The following KDELR2 variants were observed in gnomAD, a reference collection of about 807,000 sequenced individuals.
The protein encoded by KDELR2 is KDEL endoplasmic reticulum protein retention receptor 2.
KDELR2 carries 15 observed loss-of-function variants against 23.9 expected under a neutral mutation model. The observed-to-expected ratio is 0.63, with a 90% CI of 0.42 to 0.97. The LOEUF (loss-of-function observed/expected upper bound fraction) is 0.97. KDELR2 is among the 50% of genes least tolerant of loss of function. The probability of loss-of-function intolerance (pLI) is 0.00; values close to 1 mark genes in which losing one functional copy is unlikely to be tolerated. For synonymous variants in KDELR2, 119 were observed against 106.2 expected (o/e 1.12, Z -0.74); for missense variants, 272 against 254.6 (o/e 1.07, Z -0.46).
chr7:6,464,057 C>T (rs1329862795), intron 4 of KDELR2, among the ~76,000 whole-genome samples: 2 of 150,406 alleles, frequency 1.3e-5, no homozygotes, highest in South Asian at 4.2e-4. Flanking sequence ...ATTAGCTGGG[C>T]GTGGTGGTGC....
At position 6,462,007 on chromosome 7, in the gene KDELR2, C is replaced by T. The variant is rs767491570; in HGVS notation, c.*1134G>A. 7.2e-5 allele frequency: 11 copies of T among 152,056 alleles called. No homozygotes were observed. Among genetic ancestry groups the T allele is most frequent in the Admixed American group, 3.3e-4 (5 of 15,230 alleles). The allele number at this position is 152,056 out of a possible 1,614,324, so 9.4% of individuals were successfully genotyped here. ...CACAGGATGTTCAAAAAGCCTAATTCATAAAAAGACAATTTATTCCATGTT... is the reference window on the plus strand; with the variant it reads ...CACAGGATGTTCAAAAAGCCTAATTTATAAAAAGACAATTTATTCCATGTT... On this transcript the variant is annotated 3_prime_UTR_variant, in exon 5 of 5. Coordinates refer to ENST00000258739, the MANE Select transcript of KDELR2 (RefSeq NM_006854.4).
At position 6,484,095 on chromosome 7, in the gene KDELR2, C is replaced by A; in HGVS notation, c.-38G>T. 1 of 1,396,578 alleles carries A rather than the reference C, an allele frequency of 7.2e-7. No individual in the cohort carries two copies. Among genetic ancestry groups the A allele is most frequent in the African/African-American group, 1.5e-5 (1 of 66,646 alleles). The allele number at this position is 1,396,578 out of a possible 1,614,324, so 86.5% of individuals were successfully genotyped here. ...GGTGGCGGTCGGCGCAGCGCGGCGG[C>A]CCCGGGGCTGGGCGGCTCAGGAGGC... On this transcript the variant is annotated 5_prime_UTR_variant, in exon 1 of 5. Transcript: ENST00000258739.
Position 6,483,952 on chromosome 7 carries a change from T to TC in KDELR2, c.91+14dup, listed in dbSNP as rs1348348571. On this transcript the variant is annotated intron_variant, in intron 1 of 4. Transcript: ENST00000258739. ...CCCACGCCCGAGCCTCTCCGGGCCT[T>TC]CCCCCGCCGCTCACCGGCGCAGGAG... 1 of 1,495,010 alleles carries TC rather than the reference T, an allele frequency of 6.7e-7. No homozygotes were observed. Among genetic ancestry groups the TC allele is most frequent in the African/African-American group, 1.4e-5 (1 of 69,014 alleles). 92.6% of individuals were successfully genotyped at this position (1,495,010 alleles called of 1,614,324 possible).
At chr7:6,468,728 T>A (rs1325854224) in intron 3 of KDELR2, among the ~76,000 whole-genome samples, 1 of 151,610 alleles carries the variant, frequency 6.6e-6, no homozygotes, top group Non-Finnish European at 1.5e-5. Flanking sequence ...ATGGTCTCAA[T>A]CCCTTGACTT....
chr7:6,467,604 T>C (rs1171218441), intron 3 of KDELR2, among the ~76,000 whole-genome samples: 1 of 151,924 alleles, frequency 6.6e-6, no homozygotes, highest in Non-Finnish European at 1.5e-5. Context: ...CTACTAAAAA[T>C]ACAAAAATTA....
intron 4 of KDELR2, among the ~76,000 whole-genome samples, chr7:6,465,269 C>T (rs1348647513): frequency 6.0e-5 from 9 of 151,122 alleles, no homozygotes; most frequent in Admixed American, 3.3e-4. Flanking sequence ...CTGCAAGCTC[C>T]GCCTCCCAGG....
Position 6,466,229 on chromosome 7 carries a change from G to A in KDELR2, c.446C>T (p.Thr149Ile). The change falls in exon 4 of 5, where the codon ACC (threonine) becomes ATC (isoleucine). Residue 149 changes from threonine (T) to isoleucine (I), a missense_variant. Physicochemically the swap from Thr to Ile is moderately conservative, Grantham distance 89. Transcript: ENST00000258739. ...GAGGCCCAGGAAGAACAGGTAGTGG[G>A]TGGTGATGGTCTCGGCCTCCCCAGT... ...SKTGEAETIT[T>I]HYLFFLGLYR... 6.2e-7 allele frequency: 1 copy of A among 1,614,210 alleles called. No individual in the cohort carries two copies. Among genetic ancestry groups the A allele is most frequent in the Non-Finnish European group, 8.5e-7 (1 of 1,180,042 alleles).
At chr7:6,465,868 A>G (rs1785493208) in intron 4 of KDELR2, among the ~76,000 whole-genome samples, 2 of 152,164 alleles carry the variant, frequency 1.3e-5, no homozygotes, top group Admixed American at 6.6e-5. Context: ...AAAATGTGTC[A>G]CTTTAGGAAA....
At chr7:6,463,728 G>C (rs977951452) in intron 4 of KDELR2, among the ~76,000 whole-genome samples, 1 of 150,896 alleles carries the variant, frequency 6.6e-6, no homozygotes, top group Non-Finnish European at 1.5e-5. Flanking sequence ...GAGTAACAGA[G>C]TGAGACCCTG....
At chr7:6,470,671 T>C (rs1371491202) in intron 2 of KDELR2, among the ~76,000 whole-genome samples, 1 of 152,214 alleles carries the variant, frequency 6.6e-6, no homozygotes, top group Non-Finnish European at 1.5e-5. Context: ...GTTTTTGAAC[T>C]TTATGGTAGT....
chr7:6,482,484 C>A, intron 1 of KDELR2: 2 of 431,654 alleles, frequency 4.6e-6, no homozygotes, highest in Non-Finnish European at 9.7e-6. Flanking sequence ...CCAAGTCAAA[C>A]ACACTGGCAC....
chr7:6,461,294 T>A lies in KDELR2; in HGVS notation c.*1847A>T, dbSNP rs986263172. The A allele has an allele frequency of 6.6e-6, 1 of 152,112 alleles. No individual in the cohort carries two copies. The highest frequency in any genetic ancestry group is 6.6e-5 in the Admixed American group (1 of 15,242). The allele number at this position is 152,112 out of a possible 1,614,324, so 9.4% of individuals were successfully genotyped here. A position where few individuals can be genotyped will look rare whatever the true frequency, so the allele number is the denominator to read the frequency against. ...CAAGGTTACTTTTACTTGGGTAGGA[T>A]GACTGCAGAAGGAATGGCTACACAG... On this transcript the variant is annotated 3_prime_UTR_variant, in exon 5 of 5. Transcript: ENST00000258739.
At position 6,462,594 on chromosome 7, in the gene KDELR2, C is replaced by T. The variant is rs895217037; in HGVS notation, c.*547G>A. ...TTAAATGTAGTGTTGTGACATCCAA[C>T]GAAGGACTTCCACGTCACGTGGGAA... On this transcript the variant is annotated 3_prime_UTR_variant, in exon 5 of 5. Coordinates refer to ENST00000258739, the MANE Select transcript of KDELR2 (RefSeq NM_006854.4). 9 of 170,286 alleles carry T rather than the reference C, an allele frequency of 5.3e-5. No individual in the cohort carries two copies. In the South Asian group the frequency reaches 1.0e-3, roughly 19 times the overall value. 10.5% of individuals were successfully genotyped at this position (170,286 alleles called of 1,614,324 possible). A position where few individuals can be genotyped will look rare whatever the true frequency, so the allele number is the denominator to read the frequency against.
chr7:6,477,291 G>A (rs1785774017), intron 1 of KDELR2, among the ~76,000 whole-genome samples: 1 of 152,190 alleles, frequency 6.6e-6, no homozygotes, highest in Admixed American at 6.5e-5. Context: ...CTGAGATCCT[G>A]ATTAGGAAGT....
chr7:6,483,756 G>A (rs1221716230), intron 1 of KDELR2, among the ~76,000 whole-genome samples: 1 of 152,150 alleles, frequency 6.6e-6, no homozygotes, highest in African/African-American at 2.4e-5. Flanking sequence ...CGACTGCAGA[G>A]CGGGGTCCCG....
At chr7:6,469,233 T>C (rs1240419886) in intron 3 of KDELR2, among the ~76,000 whole-genome samples, 1 of 152,066 alleles carries the variant, frequency 6.6e-6, no homozygotes, top group Non-Finnish European at 1.5e-5. Flanking sequence ...ATTACAGGCG[T>C]GAGCCACTAC....
chr7:6,463,986 C>T (rs1483863027), intron 4 of KDELR2, among the ~76,000 whole-genome samples: 3 of 122,592 alleles, frequency 2.4e-5, no homozygotes, highest in Non-Finnish European at 5.9e-5. Flanking sequence ...CACCTGAGGT[C>T]GGGAGTTCGA....
At chr7:6,474,311 A>T (rs761733558) in intron 1 of KDELR2, 27 bp from the exon 2 acceptor site, 8 of 1,470,568 alleles carry the variant, frequency 5.4e-6, no homozygotes, top group South Asian at 3.4e-5. Context: ...GAAGTATTAG[A>T]AGGGCCTGAA....
chr7:6,469,557 AGCCACCATGCCTG>A (rs1785581896), intron 3 of KDELR2, 26 bp downstream of exon 3: 1 of 1,587,434 alleles, frequency 6.3e-7, no homozygotes, highest in Non-Finnish European at 8.6e-7. Context: ...TACAGGCATG[AGCCACCATGCCTG>A]GCCCTAAGTA....
Sources: allele counts gnomAD v4.1 joint callset (sites outside exome capture counted in the v4.1 genomes callset), GRCh38; gene constraint gnomAD v4.1.1; transcripts MANE v1.5; gene names NCBI Gene and HGNC (gene_info 2026-07-23, HGNC 2026-07-21).